Variants in STX8 observed in about 807,000 individuals in gnomAD.
STX8 encodes syntaxin-8.
STX8 carries 23 observed loss-of-function variants against 37.5 expected under a neutral mutation model. That is an observed-to-expected ratio of 0.61 (90% CI 0.44 to 0.87). The LOEUF (loss-of-function observed/expected upper bound fraction) is 0.87. STX8 is among the 40% of genes least tolerant of loss of function. STX8 has a pLI of 0.00. For synonymous variants in STX8, 115 were observed against 99.1 expected (o/e 1.16, Z -0.95); for missense variants, 313 against 284.7 (o/e 1.10, Z -0.71).
intron 7 of STX8, among the ~76,000 whole-genome samples, chr17:9,321,540 GA>G (rs1188167024): frequency 6.6e-6 from 1 of 151,826 alleles, no homozygotes; most frequent in Non-Finnish European, 1.5e-5. Context: ...TATTTATTGA[GA>G]TAGAGTCTCC....
At chr17:9,551,821 T>C (rs1355491787) in intron 3 of STX8, among the ~76,000 whole-genome samples, 1 of 152,034 alleles carries the variant, frequency 6.6e-6, no homozygotes. Context: ...TCAGAGCCGA[T>C]GTTGTTCCCA....
chr17:9,271,748 CAAAAAAA>C (rs71135959), intron 7 of STX8, among the ~76,000 whole-genome samples: 2 of 63,468 alleles, frequency 3.2e-5, no homozygotes, highest in Non-Finnish European at 3.4e-5. Flanking sequence ...GACTCCATCT[CAAAAAAA>C]AAAAAAAAAA....
chr17:9,359,144 G>A (rs746180112), intron 7 of STX8, among the ~76,000 whole-genome samples: 5 of 151,684 alleles, frequency 3.3e-5, no homozygotes, highest in Non-Finnish European at 7.4e-5. Flanking sequence ...CCGGGTTCAA[G>A]AGATCCTTCT....
intron 6 of STX8, among the ~76,000 whole-genome samples, chr17:9,394,797 G>A (rs948706789): frequency 6.6e-6 from 1 of 152,006 alleles, no homozygotes; most frequent in Non-Finnish European, 1.5e-5. Context: ...GCCAGGCACA[G>A]TGGCTCATGC....
At chr17:9,428,468 C>T (rs1340472699) in intron 6 of STX8, among the ~76,000 whole-genome samples, 2 of 152,194 alleles carry the variant, frequency 1.3e-5, no homozygotes, top group Non-Finnish European at 2.9e-5. Context: ...TCTTGATCTC[C>T]TGACCTTGTG....
chr17:9,255,527 AAAATAAATAAAT>A (rs1202028600), intron 7 of STX8, among the ~76,000 whole-genome samples: 61 of 138,618 alleles, frequency 4.4e-4, no homozygotes, highest in African/African-American at 1.5e-3. Flanking sequence ...ACTCCATCTC[AAAATAAATAAAT>A]AAATAAATAA....
intron 7 of STX8, among the ~76,000 whole-genome samples, chr17:9,347,841 T>C (rs11870821): frequency 0.045 from 6,832 of 152,292 alleles, 482 homozygotes; most frequent in African/African-American, 0.15. Context: ...GCTTTCTGTC[T>C]CTATAGATTT....
intron 6 of STX8, among the ~76,000 whole-genome samples, chr17:9,416,719 T>G (rs1276884029): frequency 5.3e-5 from 8 of 152,014 alleles, no homozygotes; most frequent in Admixed American, 4.6e-4. Context: ...ACAAACCCCC[T>G]CCTTGCTCAG....
intron 6 of STX8, among the ~76,000 whole-genome samples, chr17:9,480,942 T>A (rs891374203): frequency 6.6e-6 from 1 of 151,268 alleles, no homozygotes; most frequent in Non-Finnish European, 1.5e-5. Flanking sequence ...TGGAGGGTAG[T>A]GGCATGATCT....
chr17:9,260,422 G>A (rs1434326352), intron 7 of STX8, among the ~76,000 whole-genome samples: 1 of 152,154 alleles, frequency 6.6e-6, no homozygotes, highest in African/African-American at 2.4e-5. Flanking sequence ...CCGGGAGTTT[G>A]AGACCAGCCG....
At chr17:9,293,085 C>A (rs776652015) in intron 7 of STX8, among the ~76,000 whole-genome samples, 2 of 152,164 alleles carry the variant, frequency 1.3e-5, no homozygotes, top group African/African-American at 2.4e-5. Context: ...CACTAAATAA[C>A]CACTGGGACA....
chr17:9,344,773 T>C (rs547507753), intron 7 of STX8, among the ~76,000 whole-genome samples: 11 of 152,324 alleles, frequency 7.2e-5, no homozygotes, highest in African/African-American at 1.4e-4. Flanking sequence ...CCTGGTGATA[T>C]TTTTAAAATC....
chr17:9,394,597 T>C (rs1421183414), intron 6 of STX8, among the ~76,000 whole-genome samples: 1 of 151,188 alleles, frequency 6.6e-6, no homozygotes, highest in Non-Finnish European at 1.5e-5. Flanking sequence ...ACTCCTGACC[T>C]CAAGTGATCA....
intron 7 of STX8, among the ~76,000 whole-genome samples, chr17:9,316,360 G>A (rs146726385): frequency 1.3e-5 from 2 of 152,178 alleles, no homozygotes; most frequent in African/African-American, 4.8e-5. Context: ...GGGAACAGAG[G>A]AAGCAACTGT....
chr17:9,482,916 A>AAAAAC (rs1301076249), intron 6 of STX8, among the ~76,000 whole-genome samples: 2 of 152,086 alleles, frequency 1.3e-5, no homozygotes, highest in African/African-American at 2.4e-5. Context: ...CTGCGTCTCA[A>AAAAAC]AAAACAAAAC....
Position 9,286,117 on chromosome 17 carries a change from T to A in STX8, c.644-35472A>T, listed in dbSNP as rs143968840. Among the ~76,000 whole-genome samples the A allele has an allele frequency of 1.7e-3, 266 of 152,250 alleles. 1 individual carries two copies. Among genetic ancestry groups the A allele is most frequent in the African/African-American group, 6.0e-3 (251 of 41,544 alleles). On this transcript the variant is annotated intron_variant, in intron 7 of 7. Transcript: ENST00000306357. ...GCTTCCCCGTGAAGTCAGTCTACGT[T>A]TGATCCAAATGGTTGAACTCCAAAA...
At chr17:9,460,908 A>G (rs1179955521) in intron 6 of STX8, among the ~76,000 whole-genome samples, 1 of 150,938 alleles carries the variant, frequency 6.6e-6, no homozygotes. Flanking sequence ...AATAATACTA[A>G]CTTCATAAGG....
chr17:9,426,665 G>A (rs756051766), intron 6 of STX8, among the ~76,000 whole-genome samples: 52 of 152,312 alleles, frequency 3.4e-4, no homozygotes, highest in Non-Finnish European at 6.5e-4. Context: ...GGAGGCTGAG[G>A]TGGGAGGATC....
intron 2 of STX8, among the ~76,000 whole-genome samples, chr17:9,559,760 A>ATTTTTTTTTT (rs60856219): frequency 8.2e-5 from 2 of 24,496 alleles, no homozygotes; most frequent in African/African-American, 3.8e-4. Flanking sequence ...ATATATATAT[A>ATTTTTTTTTT]TTTTTTTTTT....
Sources: allele counts gnomAD v4.1 joint callset (sites outside exome capture counted in the v4.1 genomes callset), GRCh38; gene constraint gnomAD v4.1.1; transcripts MANE v1.5; gene names NCBI Gene and HGNC (gene_info 2026-07-23, HGNC 2026-07-21).